The following LANCL3 variants were observed in gnomAD, a reference collection of about 807,000 sequenced individuals.
LANCL3 encodes LanC like family member 3.
A neutral mutation model predicts 26.5 loss-of-function variants in LANCL3; 19 were observed. The observed-to-expected ratio is 0.72, with a 90% CI of 0.50 to 1.05. The LOEUF (loss-of-function observed/expected upper bound fraction) is 1.05, where lower values mean the gene tolerates loss of function less well. Ranked by LOEUF, LANCL3 falls within the 50% of genes least tolerant of loss-of-function variation. The pLI is 0.00. For missense variants in LANCL3, 318 were observed against 362.7 expected, an observed-to-expected ratio of 0.88 and a Z score of 1.00; for synonymous variants, 160 against 166.6, an observed-to-expected ratio of 0.96 and a Z score of 0.30.
chrX:37,633,586 G>T (rs914934066), intron 1 of LANCL3, among the ~76,000 whole-genome samples: 24 of 110,836 alleles, frequency 2.2e-4, no homozygotes, highest in Non-Finnish European at 3.6e-4. Flanking sequence ...TTTGATGATG[G>T]TGATGTACAG....
intron 1 of LANCL3, among the ~76,000 whole-genome samples, chrX:37,613,167 G>T (rs1924925358): frequency 9.1e-6 from 1 of 109,302 alleles, no homozygotes; most frequent in Non-Finnish European, 1.9e-5. Context: ...TCCTTACCCT[G>T]CTTGATTTTT....
chrX:37,641,236 A>G (rs781984955), intron 1 of LANCL3, among the ~76,000 whole-genome samples: 1 of 110,580 alleles, frequency 9.0e-6, no homozygotes, highest in Non-Finnish European at 1.9e-5. Context: ...TAAATGAATA[A>G]GGGGAGAAGG....
intron 1 of LANCL3, among the ~76,000 whole-genome samples, chrX:37,641,437 G>C (rs3117507): frequency 0.23 from 25,522 of 109,306 alleles, 2,583 homozygotes; most frequent in African/African-American, 0.4. Flanking sequence ...CAGACCCCCC[G>C]ACATACCCCG....
intron 1 of LANCL3, among the ~76,000 whole-genome samples, chrX:37,580,454 A>G (rs1486546110): frequency 8.9e-6 from 1 of 112,069 alleles, no homozygotes; most frequent in Non-Finnish European, 1.9e-5. Flanking sequence ...TTTATGGAGT[A>G]TAATGTAATG....
rs1175307211 is a variant in LANCL3 at position 37,632,741 on chromosome X, G to C, written c.574-22947G>C. Among the ~76,000 whole-genome samples, 20 of 111,112 alleles carry C rather than the reference G, an allele frequency of 1.8e-4. 1 individual carries two copies. The highest frequency in any genetic ancestry group is 1.6e-3 in the Admixed American group (17 of 10,439). ...TTAGTTTGGCTGGATATGAAATTCT[G>C]GGTTGAAAATTCTTGTCTTTAAGAA... On this transcript the variant is annotated intron_variant, in intron 1 of 4. Coordinates refer to ENST00000378619, the MANE Select transcript of LANCL3 (RefSeq NM_001170331.2).
At chrX:37,650,776 A>G (rs1327337277) in intron 1 of LANCL3, among the ~76,000 whole-genome samples, 1 of 104,645 alleles carries the variant, frequency 9.6e-6, no homozygotes, top group Non-Finnish European at 1.9e-5. Flanking sequence ...TCTAGGGTAC[A>G]TGTGCACAAT....
At chrX:37,630,710 A>T (rs1205947978) in intron 1 of LANCL3, among the ~76,000 whole-genome samples, 3 of 103,873 alleles carry the variant, frequency 2.9e-5, no homozygotes, top group Non-Finnish European at 5.8e-5. Flanking sequence ...TGAGATAATC[A>T]TGCGGTTTTT....
rs1227075453 is a variant in LANCL3, at chrX:37,682,873, G to C, written c.*7060G>C. ...TTGGTTTTAGAATCTGTTAAGGAAGGACGGCCCAATCTTTGAAAAGGTACA... is the reference window on the plus strand; with the variant it reads ...TTGGTTTTAGAATCTGTTAAGGAAGCACGGCCCAATCTTTGAAAAGGTACA... On this transcript the variant is annotated 3_prime_UTR_variant, in exon 5 of 5. Coordinates refer to ENST00000378619, the MANE Select transcript of LANCL3 (RefSeq NM_001170331.2). The C allele has an allele frequency of 8.9e-6, 1 of 112,009 alleles. No homozygotes were observed. Among genetic ancestry groups the C allele is most frequent in the African/African-American group, 3.2e-5 (1 of 30,813 alleles). The allele number at this position is 112,009 out of a possible 1,213,427, so 9.2% of individuals were successfully genotyped here. A position where few individuals can be genotyped will look rare whatever the true frequency, so the allele number is the denominator to read the frequency against.
chrX:37,641,068 T>C (rs1259970300), intron 1 of LANCL3, among the ~76,000 whole-genome samples: 2 of 111,456 alleles, frequency 1.8e-5, no homozygotes, highest in African/African-American at 6.5e-5. Flanking sequence ...CTGAATTTTA[T>C]ATTCTAGCTC....
chrX:37,636,900 T>C (rs1439689036), intron 1 of LANCL3, among the ~76,000 whole-genome samples: 2 of 112,405 alleles, frequency 1.8e-5, no homozygotes, highest in Non-Finnish European at 3.8e-5. Context: ...ATAATAGTTA[T>C]CTTTAGATCA....
intron 1 of LANCL3, among the ~76,000 whole-genome samples, chrX:37,602,270 T>TAA (rs1199785422): frequency 8.9e-6 from 1 of 112,481 alleles, no homozygotes; most frequent in Non-Finnish European, 1.9e-5. Flanking sequence ...ACAGAATTTC[T>TAA]AAAGTCATAA....
chrX:37,601,288 C>T (rs377030932), intron 1 of LANCL3, among the ~76,000 whole-genome samples: 2 of 111,690 alleles, frequency 1.8e-5, no homozygotes, highest in East Asian at 5.6e-4. Context: ...ATGAGTACTG[C>T]TTTAATAAAA....
At position 37,678,468 on chromosome X, in the gene LANCL3, C is replaced by G. The variant is rs1447120298; in HGVS notation, c.*2655C>G. ...ATATACAGCATGAGCAATTATAAAC[C>G]CTGAAGGTAATAGTGGAAATGTTTG... On this transcript the variant is annotated 3_prime_UTR_variant, in exon 5 of 5. Coordinates refer to ENST00000378619, the MANE Select transcript of LANCL3 (RefSeq NM_001170331.2). 1.8e-5 allele frequency: 2 copies of G among 110,573 alleles called. No individual in the cohort carries two copies. The highest frequency in any genetic ancestry group is 3.8e-5 in the Non-Finnish European group (2 of 52,701). The allele number at this position is 110,573 out of a possible 1,213,427, so 9.1% of individuals were successfully genotyped here. A position where few individuals can be genotyped will look rare whatever the true frequency, so the allele number is the denominator to read the frequency against.
intron 4 of LANCL3, among the ~76,000 whole-genome samples, chrX:37,671,290 T>C (rs1602137917): frequency 1.8e-5 from 2 of 111,279 alleles, no homozygotes; most frequent in African/African-American, 6.5e-5. Context: ...CCTATAACAA[T>C]GTTCAATAAT....
At chrX:37,576,240 T>A (rs782318936) in intron 1 of LANCL3, among the ~76,000 whole-genome samples, 1 of 112,240 alleles carries the variant, frequency 8.9e-6, no homozygotes, top group South Asian at 3.8e-4. Flanking sequence ...TGTATGTGTA[T>A]GTGGCAAGAG....
At chrX:37,643,532 G>A (rs1252078663) in intron 1 of LANCL3, among the ~76,000 whole-genome samples, 2 of 112,207 alleles carry the variant, frequency 1.8e-5, no homozygotes, top group Non-Finnish European at 3.8e-5. Flanking sequence ...TAGTTAGTTC[G>A]TATCTAGAAA....
intron 1 of LANCL3, among the ~76,000 whole-genome samples, 188 bp from the exon 2 acceptor site, chrX:37,655,500 G>A (rs1164846327): frequency 8.9e-6 from 1 of 112,046 alleles, no homozygotes; most frequent in African/African-American, 3.2e-5. Flanking sequence ...AAAGAGGGTA[G>A]GTTTGACAAC....
intron 2 of LANCL3, among the ~76,000 whole-genome samples, chrX:37,656,638 C>T (rs1926291482): frequency 1.8e-5 from 2 of 112,529 alleles, no homozygotes; most frequent in Non-Finnish European, 3.8e-5. Flanking sequence ...AACTGGGTAA[C>T]ATGCTGTCAT....
At chrX:37,669,044 G>T (rs897341822) in intron 4 of LANCL3, among the ~76,000 whole-genome samples, 15 of 111,845 alleles carry the variant, frequency 1.3e-4, no homozygotes, top group Middle Eastern at 9.4e-3. Flanking sequence ...AATGTTCATT[G>T]TTATTAGTAT....
Sources: allele counts gnomAD v4.1 joint callset (sites outside exome capture counted in the v4.1 genomes callset), GRCh38; gene constraint gnomAD v4.1.1; transcripts MANE v1.5; gene names NCBI Gene and HGNC (gene_info 2026-07-23, HGNC 2026-07-21).